The following FABP6 variants were observed in gnomAD, a reference collection of about 807,000 sequenced individuals.
The protein encoded by FABP6 is fatty acid binding protein 6.
A neutral mutation model predicts 14.9 loss-of-function variants in FABP6; 13 were observed. The observed-to-expected ratio is 0.87, with a 90% CI of 0.57 to 1.39. The LOEUF is 1.39. Ranked by LOEUF, FABP6 falls within the 40% of genes most tolerant of loss-of-function variation. The pLI is 0.00. For synonymous variants in FABP6, 75 were observed against 63.6 expected, an observed-to-expected ratio of 1.18 and a Z score of -0.85; for missense variants, 161 against 167.2, an observed-to-expected ratio of 0.96 and a Z score of 0.20.
upstream of FABP6, among the ~76,000 whole-genome samples, chr5:160,225,023 G>A (rs552887387): frequency 6.0e-5 from 9 of 149,304 alleles, no homozygotes; most frequent in Non-Finnish European, 8.9e-5. Context: ...CAAGTGATCC[G>A]CCGGCCTTGG....
chr5:160,209,633 C>A (rs1348780148), intron 2 of FABP6, among the ~76,000 whole-genome samples: 1 of 152,218 alleles, frequency 6.6e-6, no homozygotes, highest in African/African-American at 2.4e-5. Context: ...CAGCAAGAAG[C>A]CTCTCACCAG....
intron 2 of FABP6, among the ~76,000 whole-genome samples, chr5:160,211,141 C>T (rs561571956): frequency 6.6e-6 from 1 of 152,268 alleles, no homozygotes; most frequent in Admixed American, 6.5e-5. Context: ...TCCTGGGGAG[C>T]TGAGAAGTCA....
Position 160,229,550 on chromosome 5 carries a change from C to T in FABP6, c.-8C>T, listed in dbSNP as rs767337420. On this transcript the variant is annotated 5_prime_UTR_variant, in exon 1 of 4. Coordinates refer to ENST00000402432, the MANE Select transcript of FABP6 (RefSeq NM_001445.3). ...CCTCTGCTCTCTGGCCTCCAGCCTC[C>T]CAGCAGCATGGCTTTCACCGGCAAG... The T allele has an allele frequency of 4.3e-6, 7 of 1,613,924 alleles. No homozygotes were observed. Among genetic ancestry groups the T allele is most frequent in the Non-Finnish European group, 5.9e-6 (7 of 1,179,892 alleles).
intron 2 of FABP6, among the ~76,000 whole-genome samples, chr5:160,203,122 G>A (rs1232091933): frequency 4.6e-5 from 7 of 151,942 alleles, no homozygotes; most frequent in African/African-American, 9.7e-5. Context: ...GGCTGGTCTC[G>A]AACTCCTGAC....
chr5:160,193,539 G>A (rs1759445520), intron 1 of FABP6, among the ~76,000 whole-genome samples: 1 of 152,064 alleles, frequency 6.6e-6, no homozygotes, highest in African/African-American at 2.4e-5. Flanking sequence ...GTTTTGGCAG[G>A]GTGCTGATTG....
At chr5:160,216,475 C>G (rs1760015777) in intron 3 of FABP6, among the ~76,000 whole-genome samples, 1 of 151,850 alleles carries the variant, frequency 6.6e-6, no homozygotes, top group South Asian at 2.1e-4. Flanking sequence ...ACCATGTTGG[C>G]CAGGTTGGTC....
intron 1 of FABP6, chr5:160,196,708 G>C (rs1759515587): frequency 6.6e-6 from 1 of 152,296 alleles, no homozygotes; most frequent in Non-Finnish European, 1.5e-5. Flanking sequence ...GAGTAGCTGG[G>C]ACAACAGGCA....
chr5:160,238,482 G>A, intron 3 of FABP6, 124 bp from the exon 4 acceptor site: 1 of 757,832 alleles, frequency 1.3e-6, no homozygotes, highest in Non-Finnish European at 2.3e-6. Context: ...GAGGCCGAAA[G>A]AAGTGGTGCG....
chr5:160,207,876 A>C (rs1759802957), intron 2 of FABP6, among the ~76,000 whole-genome samples: 1 of 152,098 alleles, frequency 6.6e-6, no homozygotes, highest in South Asian at 2.1e-4. Flanking sequence ...GGTGCCTGCC[A>C]CCACGCCCAG....
At chr5:160,227,515 G>C (rs996020956), upstream of FABP6, among the ~76,000 whole-genome samples, 1 of 114,732 alleles carries the variant, frequency 8.7e-6, no homozygotes. Context: ...AACGGAGGGA[G>C]ACTTCACTTC....
At chr5:160,220,659 T>A (rs1760110282) in intron 3 of FABP6, among the ~76,000 whole-genome samples, 2 of 152,208 alleles carry the variant, frequency 1.3e-5, no homozygotes, top group South Asian at 4.1e-4. Flanking sequence ...ATTCTTCTCA[T>A]ATTAGCCTTC....
At chr5:160,214,760 C>A (rs1475117059) in intron 3 of FABP6, among the ~76,000 whole-genome samples, 1 of 151,238 alleles carries the variant, frequency 6.6e-6, no homozygotes, top group Admixed American at 6.6e-5. Context: ...TCACGACCAG[C>A]ATGGGCAACA....
chr5:160,232,178 T>G lies in FABP6; in HGVS notation c.148T>G (p.Trp50Gly). 1 of 1,613,892 alleles carries G rather than the reference T, an allele frequency of 6.2e-7. No individual in the cohort carries two copies. Among genetic ancestry groups the G allele is most frequent in the South Asian group, 1.1e-5 (1 of 91,008 alleles). The change falls in exon 2 of 4, where the codon TGG becomes GGG. Residue 50 changes from tryptophan (W) to glycine (G), a missense_variant. Physicochemically the swap from Trp to Gly is radical, Grantham distance 184. Transcript: ENST00000402432. ...GCAGCAGGATGGGCAGGACTTCACT[T>G]GGTCCCAGCACTACTCCGGGGGCCA... is the stretch of plus-strand genomic sequence containing the variant. Reference protein sequence around the residue: ...EVQQDGQDFTWSQHYSGGHTM... With the variant: ...EVQQDGQDFTGSQHYSGGHTM...
At chr5:160,232,486 A>G (rs922138413) in intron 2 of FABP6, among the ~76,000 whole-genome samples, 1 of 152,232 alleles carries the variant, frequency 6.6e-6, no homozygotes, top group African/African-American at 2.4e-5. Context: ...TACTTGCTGG[A>G]CACTTATTAT....
intron 1 of FABP6, among the ~76,000 whole-genome samples, chr5:160,192,477 C>T (rs1285262546): frequency 2.0e-5 from 3 of 152,274 alleles, no homozygotes; most frequent in Non-Finnish European, 4.4e-5. Flanking sequence ...AGTCCCCAGG[C>T]TTCGCCCACA....
chr5:160,194,236 C>T (rs1163743634), intron 1 of FABP6, among the ~76,000 whole-genome samples: 1 of 152,228 alleles, frequency 6.6e-6, no homozygotes, highest in African/African-American at 2.4e-5. Flanking sequence ...CCAGCTGGCC[C>T]GCAAGCGCCG....
chr5:160,216,632 G>A (rs1317561356), intron 3 of FABP6, among the ~76,000 whole-genome samples: 1 of 152,134 alleles, frequency 6.6e-6, no homozygotes, highest in African/African-American at 2.4e-5. Context: ...CAGGATGCAT[G>A]GTGGTAGCAA....
upstream of FABP6, among the ~76,000 whole-genome samples, chr5:160,225,399 C>CTTTTT (rs1284538826): frequency 8.1e-6 from 1 of 123,506 alleles, no homozygotes. Flanking sequence ...CCAGCCCCAC[C>CTTTTT]TTTTTTTTTT....
At chr5:160,232,424 C>T in intron 2 of FABP6, 151 bp downstream of exon 2, 2 of 743,118 alleles carry the variant, frequency 2.7e-6, no homozygotes, top group Admixed American at 3.2e-5. Flanking sequence ...TTTAATGCTC[C>T]TGATTTTTAA....
Sources: gnomAD v4.1 joint callset for allele counts (sites outside exome capture counted in the v4.1 genomes callset) on GRCh38, gnomAD v4.1.1 for gene constraint, MANE v1.5 for transcripts, NCBI Gene and HGNC (gene_info 2026-07-23, HGNC 2026-07-21) for gene names.